Variants in GRIN2B observed in about 807,000 individuals in gnomAD.
GRIN2B encodes the protein glutamate ionotropic receptor NMDA type subunit 2B, also known as glutamate receptor ionotropic, NMDA 2B.
A neutral mutation model predicts 114.5 loss-of-function variants in GRIN2B; 5 were observed. The ratio of observed to expected loss-of-function variants is 0.04; its 90% CI spans 0.02 to 0.09. The LOEUF (loss-of-function observed/expected upper bound fraction) is 0.09. Ranked by LOEUF, GRIN2B falls within the 10% of genes least tolerant of loss-of-function variation. The pLI is 1.00. For missense variants in GRIN2B, 1,108 were observed against 1,943.5 expected (o/e 0.57, Z 8.08); for synonymous variants, 787 against 745.1 (o/e 1.06, Z -0.92).
At chr12:13,931,083 T>C (rs1193846113) in intron 2 of GRIN2B, among the ~76,000 whole-genome samples, 1 of 152,208 alleles carries the variant, frequency 6.6e-6, no homozygotes, top group Non-Finnish European at 1.5e-5. Context: ...TTCTAGGCAT[T>C]ACCTAGAAGC....
At chr12:13,590,822 C>A (rs901704393) in intron 10 of GRIN2B, among the ~76,000 whole-genome samples, 1 of 152,130 alleles carries the variant, frequency 6.6e-6, no homozygotes, top group African/African-American at 2.4e-5. Flanking sequence ...TGTGAGAAAC[C>A]ATTTCCTTGG....
In GRIN2B at chr12:13,939,833, G is replaced by C. The variant is rs1199207205; in HGVS notation, c.-19+40095C>G. Among the ~76,000 whole-genome samples, 6 of 152,038 alleles carry C rather than the reference G, an allele frequency of 3.9e-5. No individual in the cohort carries two copies. The East Asian group carries it at 1.2e-3, about 29-fold the overall frequency. On this transcript the variant is annotated intron_variant, in intron 2 of 13. Transcript: ENST00000609686. The stretch of plus-strand genomic sequence containing the variant: ...TTTCTTTATAAATTACCCAGTCTCA[G>C]GTCGTTTATAACAACACAAAATGGA...
intron 10 of GRIN2B, among the ~76,000 whole-genome samples, chr12:13,587,184 C>T (rs1045923909): frequency 7.2e-5 from 11 of 152,102 alleles, no homozygotes; most frequent in African/African-American, 2.4e-5. Flanking sequence ...TTTAGATCCT[C>T]TTCCAAATTT....
At chr12:13,951,003 T>G (rs191776370) in intron 2 of GRIN2B, among the ~76,000 whole-genome samples, 1 of 152,244 alleles carries the variant, frequency 6.6e-6, no homozygotes, top group Admixed American at 6.5e-5. Flanking sequence ...GATAAAAATT[T>G]CTTACACCTC....
chr12:13,708,087 T>C (rs1324943000), intron 4 of GRIN2B, among the ~76,000 whole-genome samples: 1 of 152,060 alleles, frequency 6.6e-6, no homozygotes, highest in Non-Finnish European at 1.5e-5. Flanking sequence ...TGTGTTGAAC[T>C]TAGTCCAGCT....
chr12:13,821,706 A>G (rs1317702311), intron 3 of GRIN2B, among the ~76,000 whole-genome samples: 2 of 152,216 alleles, frequency 1.3e-5, no homozygotes, highest in African/African-American at 4.8e-5. Context: ...GCACTGTGCA[A>G]TGTTCTTTTG....
At chr12:13,652,713 T>G (rs1949826792) in intron 5 of GRIN2B, among the ~76,000 whole-genome samples, 1 of 152,090 alleles carries the variant, frequency 6.6e-6, no homozygotes, top group Admixed American at 6.6e-5. Flanking sequence ...CACAAATGGT[T>G]CAACTGCATA....
In GRIN2B at chr12:13,563,524, C is replaced by A. The variant is rs760725802; in HGVS notation, c.3714G>T (p.Ala1238=). 6 of 1,614,116 alleles carry A rather than the reference C, an allele frequency of 3.7e-6. No individual in the cohort carries two copies. In the East Asian group the frequency reaches 1.1e-4, roughly 30 times the overall value. ...TVTGQNSGRQ[A]CIRCEACKKA... Reference sequence around the variant, plus strand: ...TCTTGCAAGCCTCACACCGGATGCACGCCTGCCTGCCCGAGTTCTGACCCG... The same window carrying A: ...TCTTGCAAGCCTCACACCGGATGCAAGCCTGCCTGCCCGAGTTCTGACCCG... The change falls in exon 14 of 14, where the codon GCG becomes GCT. Residue 1238 remains alanine, a synonymous_variant. Transcript: ENST00000609686.
intron 5 of GRIN2B, among the ~76,000 whole-genome samples, chr12:13,660,730 T>C (rs1354285683): frequency 1.3e-5 from 2 of 152,208 alleles, no homozygotes; most frequent in East Asian, 3.8e-4. Flanking sequence ...AAAAAGAGAC[T>C]AAGCACTTCC....
At chr12:13,628,055 C>T (rs544570039) in intron 5 of GRIN2B, among the ~76,000 whole-genome samples, 1 of 152,344 alleles carries the variant, frequency 6.6e-6, no homozygotes, top group Non-Finnish European at 1.5e-5. Context: ...TACCACTCCT[C>T]TATGCCACAA....
chr12:13,879,305 T>G (rs1039368015), intron 2 of GRIN2B, among the ~76,000 whole-genome samples: 5 of 152,156 alleles, frequency 3.3e-5, no homozygotes, highest in African/African-American at 1.2e-4. Flanking sequence ...CTGTAGGCAG[T>G]TGTAACACAG....
intron 5 of GRIN2B, among the ~76,000 whole-genome samples, chr12:13,658,099 C>T (rs376311321): frequency 1.3e-5 from 2 of 151,750 alleles, no homozygotes; most frequent in Non-Finnish European, 2.9e-5. Context: ...CCCAGCTACT[C>T]GGGAGGCTGA....
intron 13 of GRIN2B, among the ~76,000 whole-genome samples, chr12:13,565,242 C>CAGAA (rs1948622928): frequency 6.6e-6 from 1 of 152,140 alleles, no homozygotes; most frequent in African/African-American, 2.4e-5. Flanking sequence ...ACAAAATTCA[C>CAGAA]AGAAAGAGAG....
At chr12:13,621,613 GTTTTTTTTTTTTTTT>G (rs869106790) in intron 5 of GRIN2B, among the ~76,000 whole-genome samples, 1 of 72,368 alleles carries the variant, frequency 1.4e-5, no homozygotes, top group Non-Finnish European at 2.5e-5. Context: ...CCTAGTTTTT[GTTTTTTTTTTTTTTT>G]TTTTTTTTTT....
At chr12:13,721,657 C>T (rs1401080438) in intron 4 of GRIN2B, among the ~76,000 whole-genome samples, 4 of 151,952 alleles carry the variant, frequency 2.6e-5, no homozygotes, top group Admixed American at 6.6e-5. Flanking sequence ...AGACACCGTT[C>T]GGAAATGTTT....
intron 2 of GRIN2B, among the ~76,000 whole-genome samples, chr12:13,929,291 T>A (rs185880548): frequency 6.6e-6 from 1 of 152,282 alleles, no homozygotes; most frequent in East Asian, 1.9e-4. Flanking sequence ...CAGTTCTAAC[T>A]TGCATAGATT....
chr12:13,811,687 A>C (rs1282985268), intron 3 of GRIN2B, among the ~76,000 whole-genome samples: 1 of 152,252 alleles, frequency 6.6e-6, no homozygotes, highest in Non-Finnish European at 1.5e-5. Context: ...GGGCTGCAAC[A>C]GGCATTTCCT....
chr12:13,692,402 T>C (rs557794953), intron 4 of GRIN2B, among the ~76,000 whole-genome samples: 4 of 152,170 alleles, frequency 2.6e-5, no homozygotes, highest in Admixed American at 6.5e-5. Flanking sequence ...TCAAATGACA[T>C]ATTTTTGTTC....
chr12:13,580,812 C>G (rs559171202), intron 10 of GRIN2B, among the ~76,000 whole-genome samples: 1 of 152,342 alleles, frequency 6.6e-6, no homozygotes, highest in East Asian at 1.9e-4. Context: ...AAAAAGCTCC[C>G]TGGTGCCACT....
Sources: allele counts gnomAD v4.1 joint callset (sites outside exome capture counted in the v4.1 genomes callset), GRCh38; gene constraint gnomAD v4.1.1; transcripts MANE v1.5; gene names NCBI Gene and HGNC (gene_info 2026-07-23, HGNC 2026-07-21).